Variants in FRMD4B observed in about 807,000 individuals in gnomAD.
FRMD4B encodes FERM domain-containing protein 4B.
Under a neutral mutation model 141.5 loss-of-function variants are expected in FRMD4B, and 74 were observed. The observed-to-expected ratio is 0.52, with a 90% confidence interval of 0.43 to 0.63. The LOEUF is 0.63. Among genes scored for constraint, FRMD4B ranks in the 30% least tolerant of loss-of-function variants. FRMD4B has a pLI of 0.00. For synonymous variants in FRMD4B, 506 were observed against 467.9 expected, an observed-to-expected ratio of 1.08 and a Z score of -1.05; for missense variants, 1,366 against 1,253.4, an observed-to-expected ratio of 1.09 and a Z score of -1.36.
At chr3:69,452,414 C>A (rs1705517086) in intron 1 of FRMD4B, among the ~76,000 whole-genome samples, 1 of 152,156 alleles carries the variant, frequency 6.6e-6, no homozygotes, top group South Asian at 2.1e-4. Flanking sequence ...GAGTGGGTGA[C>A]CTTGAGCAAG....
chr3:69,225,953 G>A (rs576181471), intron 7 of FRMD4B, among the ~76,000 whole-genome samples: 100 of 152,110 alleles, frequency 6.6e-4, no homozygotes, highest in Admixed American at 1.7e-3. Flanking sequence ...GCTACCCTTC[G>A]ATGAAAGGCT....
intron 1 of FRMD4B, among the ~76,000 whole-genome samples, chr3:69,494,554 TG>T (rs1706354063): frequency 6.6e-6 from 1 of 151,988 alleles, no homozygotes; most frequent in South Asian, 2.1e-4. Flanking sequence ...TTCACACATG[TG>T]GGAAGAGGGG....
chr3:69,440,293 C>A lies in FRMD4B; in HGVS notation c.-128-7532G>T, dbSNP rs1342795934. 3.3e-5 allele frequency among the ~76,000 whole-genome samples: 5 copies of A among 152,178 alleles called. No homozygotes were observed. In the South Asian group the frequency reaches 6.2e-4, roughly 19 times the overall value. ...TACAGGCTATCAGTTGTAACAATAC[C>A]ATTTACTTTTGATACTGTGTTTTCC... is the stretch of plus-strand genomic sequence containing the variant. On this transcript the variant is annotated intron_variant, in intron 1 of 5. Transcript: ENST00000459638.
intron 5 of FRMD4B, among the ~76,000 whole-genome samples, chr3:69,272,019 TTTC>T (rs1334037097): frequency 3.3e-5 from 5 of 152,208 alleles, no homozygotes; most frequent in Admixed American, 6.5e-5. Context: ...ATAGTAATGA[TTTC>T]TTCTTCTTTG....
At chr3:69,498,916 C>T (rs1706448695) in intron 1 of FRMD4B, among the ~76,000 whole-genome samples, 1 of 152,040 alleles carries the variant, frequency 6.6e-6, no homozygotes, top group South Asian at 2.1e-4. Context: ...TGTCATGAAG[C>T]TTATGTTCTA....
chr3:69,442,564 C>T (rs1459712933), intron 1 of FRMD4B, among the ~76,000 whole-genome samples: 1 of 151,944 alleles, frequency 6.6e-6, no homozygotes, highest in African/African-American at 2.4e-5. Context: ...ATGAGAAATA[C>T]TCATAAGTGA....
Position 69,182,635 on chromosome 3 carries a change from C to G in FRMD4B, c.2002G>C (p.Val668Leu), listed in dbSNP as rs753212899. The G allele has an allele frequency of 6.2e-7, 1 of 1,613,742 alleles. No homozygotes were observed. Residue 668 changes from valine (V) to leucine (L), a missense_variant, in exon 20 of 23, where the codon GTT becomes CTT. Physicochemically the swap from Val to Leu is conservative, Grantham distance 32. Transcript: ENST00000398540. ...QGGRSMPTTPVLTRNAYSSSH... is the reference protein window; with the variant it reads ...QGGRSMPTTPLLTRNAYSSSH... ...CTGCTGTAGGCGTTTCGGGTAAGAA[C>G]TGGCGTGGTGGGCATGCTTCGTCCT...
intron 16 of FRMD4B, 127 bp from the exon 17 acceptor site, chr3:69,194,000 C>T: frequency 1.6e-6 from 1 of 630,900 alleles, no homozygotes; most frequent in Non-Finnish European, 2.8e-6. Flanking sequence ...ATCTTCCCAA[C>T]TTTTACTGCA....
chr3:69,219,184 C>T (rs2093169937), intron 9 of FRMD4B, among the ~76,000 whole-genome samples: 1 of 151,528 alleles, frequency 6.6e-6, no homozygotes, highest in Non-Finnish European at 1.5e-5. Context: ...AAAAGTCCCC[C>T]CAAAATAAAA....
intron 1 of FRMD4B, among the ~76,000 whole-genome samples, chr3:69,345,077 C>T (rs1466020266): frequency 1.3e-5 from 2 of 152,088 alleles, no homozygotes; most frequent in African/African-American, 4.8e-5. Context: ...CAGGGAATTC[C>T]CTTTCCTAGC....
Position 69,202,030 on chromosome 3 carries a change from C to A in FRMD4B, c.877-3256G>T, listed in dbSNP as rs181549837. Among the ~76,000 whole-genome samples, 93 of 152,100 alleles carry A rather than the reference C, an allele frequency of 6.1e-4. No homozygotes were observed. In the Middle Eastern group the frequency reaches 0.01, roughly 17 times the overall value. On this transcript the variant is annotated intron_variant, in intron 11 of 22. Transcript: ENST00000398540. ...ACCAGCCTGAACAACATGGTGAAAC[C>A]CCGTGTCTACTAAAAATACAAAACT...
chr3:69,538,287 T>C (rs968838223), intron 1 of FRMD4B, among the ~76,000 whole-genome samples: 10 of 149,984 alleles, frequency 6.7e-5, no homozygotes, highest in Non-Finnish European at 1.2e-4. Flanking sequence ...TTTAGTAACC[T>C]GAACCCATAT....
At chr3:69,339,872 G>A (rs1007486024) in intron 1 of FRMD4B, among the ~76,000 whole-genome samples, 2 of 152,084 alleles carry the variant, frequency 1.3e-5, no homozygotes, top group Non-Finnish European at 2.9e-5. Flanking sequence ...GGGGATTCTT[G>A]ACAGGGCAGT....
At chr3:69,386,120 T>A (rs1241068408), upstream of FRMD4B, 1 of 851,564 alleles carries the variant, frequency 1.2e-6, no homozygotes, top group East Asian at 3.1e-5. Flanking sequence ...GCCACCAAAC[T>A]CGTCTTTCAC....
At chr3:69,234,357 T>A (rs1173901632) in intron 7 of FRMD4B, among the ~76,000 whole-genome samples, 1 of 152,166 alleles carries the variant, frequency 6.6e-6, no homozygotes, top group African/African-American at 2.4e-5. Context: ...GATGACAGAT[T>A]GCATAAACAA....
chr3:69,375,406 A>G (rs1703946605), intron 1 of FRMD4B, among the ~76,000 whole-genome samples: 2 of 152,138 alleles, frequency 1.3e-5, no homozygotes, highest in South Asian at 4.1e-4. Flanking sequence ...TTTAAATATT[A>G]ATACATTTAA....
intron 2 of FRMD4B, among the ~76,000 whole-genome samples, chr3:69,401,719 T>A (rs921843854): frequency 2.0e-5 from 3 of 152,056 alleles, no homozygotes; most frequent in South Asian, 4.1e-4. Flanking sequence ...CCCAAAATTT[T>A]TATATTTTTT....
intron 3 of FRMD4B, among the ~76,000 whole-genome samples, chr3:69,309,088 A>G (rs910597264): frequency 6.6e-6 from 1 of 152,152 alleles, no homozygotes; most frequent in African/African-American, 2.4e-5. Flanking sequence ...CGTGATATAG[A>G]ACAACACCTG....
At position 69,507,532 on chromosome 3, in the gene FRMD4B, C is replaced by T. The variant is rs531452433; in HGVS notation, c.-129+34674G>A. On this transcript the variant is annotated intron_variant, in intron 1 of 5. Transcript: ENST00000459638. Reference sequence around the variant, plus strand: ...TTTTTAATACCTACATAGTATTTTACGGTATAGATGTGTTAAATATGTTTA... The same window carrying T: ...TTTTTAATACCTACATAGTATTTTATGGTATAGATGTGTTAAATATGTTTA... Among the ~76,000 whole-genome samples, 9 of 152,178 alleles carry T rather than the reference C, an allele frequency of 5.9e-5. No homozygotes were observed. The East Asian group carries it at 9.7e-4, about 16-fold the overall frequency.
Sources: gnomAD v4.1 joint callset for allele counts (sites outside exome capture counted in the v4.1 genomes callset) on GRCh38, gnomAD v4.1.1 for gene constraint, MANE v1.5 for transcripts, NCBI Gene and HGNC (gene_info 2026-07-23, HGNC 2026-07-21) for gene names.